The following DSG2 variants were observed in gnomAD, a reference collection of about 807,000 sequenced individuals.
DSG2 encodes desmoglein-2.
Under a neutral mutation model 75.6 loss-of-function variants are expected in DSG2, and 45 were observed. The ratio of observed to expected loss-of-function variants is 0.60; its 90% CI spans 0.47 to 0.76. The LOEUF (loss-of-function observed/expected upper bound fraction) is 0.76. DSG2 is among the 30% of genes least tolerant of loss of function. DSG2 has a pLI of 0.00. For synonymous variants in DSG2, 429 were observed against 483.9 expected (o/e 0.89, Z 1.49); for missense variants, 1,267 against 1,357.4 (o/e 0.93, Z 1.05).
chr18:31,544,305 G>GA (rs1269570044), intron 14 of DSG2, among the ~76,000 whole-genome samples: 1 of 150,068 alleles, frequency 6.7e-6, no homozygotes, highest in African/African-American at 2.4e-5. Context: ...GTACTTTGAT[G>GA]AAAAAAAAAT....
intron 1 of DSG2, among the ~76,000 whole-genome samples, chr18:31,507,417 A>G (rs2073044585): frequency 6.6e-6 from 1 of 152,186 alleles, no homozygotes; most frequent in Non-Finnish European, 1.5e-5. Flanking sequence ...TAGTAGAATG[A>G]TTTATAATCT....
chr18:31,539,784 G>T (rs914913641), intron 12 of DSG2, among the ~76,000 whole-genome samples: 1 of 152,190 alleles, frequency 6.6e-6, no homozygotes, highest in African/African-American at 2.4e-5. Context: ...GAACCAGGCC[G>T]CACAGCAGGA....
In DSG2 at chr18:31,522,177, T is replaced by A. The variant is rs397516710; in HGVS notation, c.618T>A (p.Ala206=). Residue 206 remains alanine, a synonymous_variant, in exon 6 of 15, where the codon GCT becomes GCA. Coordinates refer to ENST00000261590, the MANE Select transcript of DSG2 (RefSeq NM_001943.5). ...ATAGAATCGTATCTCTGGAGCCTGCTTATCCTCCAGTGTTCTACCTAAATA... is the reference window on the plus strand; with the variant it reads ...ATAGAATCGTATCTCTGGAGCCTGCATATCCTCCAGTGTTCTACCTAAATA... ...ISYRIVSLEP[A]YPPVFYLNKD... 6.2e-7 allele frequency: 1 copy of A among 1,613,506 alleles called. No individual in the cohort carries two copies. The highest frequency in any genetic ancestry group is 2.2e-5 in the East Asian group (1 of 44,834).
Position 31,520,915 on chromosome 18 carries a change from A to C in DSG2, c.329A>C (p.Glu110Ala). The C allele has an allele frequency of 6.2e-7, 1 of 1,613,922 alleles. No homozygotes were observed. Among genetic ancestry groups the C allele is most frequent in the Non-Finnish European group, 8.5e-7 (1 of 1,179,898 alleles). The part of the protein sequence containing the change: ...GIFVFNKDTG[E>A]LNVTSILDRE... ...TTTGTCTTTAACAAAGATACTGGAGAACTGAATGTTACCAGCATTCTTGAT... is the reference window on the plus strand; with the variant it reads ...TTTGTCTTTAACAAAGATACTGGAGCACTGAATGTTACCAGCATTCTTGAT... Residue 110 changes from glutamate to alanine, a missense_variant, in exon 4 of 15, where the codon GAA (glutamate) becomes GCA (alanine). Coordinates refer to ENST00000261590, the MANE Select transcript of DSG2 (RefSeq NM_001943.5).
At chr18:31,531,553 T>TA (rs1029935261) in intron 9 of DSG2, among the ~76,000 whole-genome samples, 4 of 152,218 alleles carry the variant, frequency 2.6e-5, no homozygotes, top group African/African-American at 9.6e-5. Flanking sequence ...AAAAAACTTT[T>TA]AAAAACCTGT....
intron 8 of DSG2, among the ~76,000 whole-genome samples, chr18:31,528,806 A>G (rs1205819010): frequency 1.3e-5 from 2 of 152,080 alleles, no homozygotes; most frequent in Non-Finnish European, 2.9e-5. Context: ...TGAAATTTCT[A>G]GAAAAGGTGA....
intron 14 of DSG2, among the ~76,000 whole-genome samples, chr18:31,545,151 C>T (rs1224378248): frequency 2.6e-5 from 4 of 152,166 alleles, no homozygotes; most frequent in Admixed American, 6.6e-5. Context: ...TAATCCTGCT[C>T]CAGTCATTCT....
In DSG2 at chr18:31,498,275, G is replaced by C. The variant is rs959664374; in HGVS notation, c.24G>C (p.Ala8=). Residue 8 remains alanine, a synonymous_variant, in exon 1 of 15, where the codon GCG becomes GCC. Transcript: ENST00000261590. MARSPGR[A]YALLLLLICF... Reference sequence around the variant, plus strand: ...CGATGGCGCGGAGCCCGGGACGCGCGTACGCCCTGCTGCTTCTCCTGGTAA... The same window carrying C: ...CGATGGCGCGGAGCCCGGGACGCGCCTACGCCCTGCTGCTTCTCCTGGTAA... 3.2e-6 allele frequency: 4 copies of C among 1,264,542 alleles called. No homozygotes were observed. Among genetic ancestry groups the C allele is most frequent in the Non-Finnish European group, 3.0e-6 (3 of 1,000,728 alleles). 78.3% of individuals were successfully genotyped at this position (1,264,542 alleles called of 1,614,324 possible).
rs370110000 is a variant in DSG2 at position 31,518,288 on chromosome 18, G to A, written c.81+14G>A. 1.9e-6 allele frequency: 3 copies of A among 1,610,402 alleles called. No homozygotes were observed. The highest frequency in any genetic ancestry group is 1.7e-5 in the Admixed American group (1 of 59,994). On this transcript the variant is annotated intron_variant, in intron 2 of 14. Coordinates refer to ENST00000261590, the MANE Select transcript of DSG2 (RefSeq NM_001943.5). ...CTTCACTTACAGGTGAGGAAACAAA[G>A]GGATTATTTCTGCCTTCTGACTCAG...
rs1401989076 is a variant in DSG2, at chr18:31,498,202, A to T, written c.-50A>T. On this transcript the variant is annotated 5_prime_UTR_variant, in exon 1 of 15. Transcript: ENST00000261590. ...GAGGAGCCGAGTGCGCGCTCGGGGC[A>T]GGCGGCGGCGCGGAGCGGTGCGGCG... 8.1e-7 allele frequency: 1 copy of T among 1,232,104 alleles called. No individual in the cohort carries two copies. The highest frequency in any genetic ancestry group is 1.0e-6 in the Non-Finnish European group (1 of 984,718). The allele number at this position is 1,232,104 out of a possible 1,614,324, so 76.3% of individuals were successfully genotyped here.
chr18:31,540,627 C>T (rs758589817), intron 12 of DSG2, among the ~76,000 whole-genome samples: 4 of 152,092 alleles, frequency 2.6e-5, no homozygotes, highest in Admixed American at 6.6e-5. Context: ...TAGGCAGTAG[C>T]CAGTTCATCA....
At chr18:31,543,741 C>T (rs2073285457) in intron 14 of DSG2, among the ~76,000 whole-genome samples, 1 of 152,044 alleles carries the variant, frequency 6.6e-6, no homozygotes, top group Non-Finnish European at 1.5e-5. Flanking sequence ...TGGCACACAC[C>T]TGTAGTCCCA....
chr18:31,500,819 A>C (rs1419994146), intron 1 of DSG2, among the ~76,000 whole-genome samples: 2 of 152,208 alleles, frequency 1.3e-5, no homozygotes, highest in Non-Finnish European at 2.9e-5. Context: ...GGTTCTTTGC[A>C]ATCCATCAAC....
At chr18:31,513,599 A>G (rs569081448) in intron 1 of DSG2, among the ~76,000 whole-genome samples, 3 of 152,360 alleles carry the variant, frequency 2.0e-5, no homozygotes, top group African/African-American at 7.2e-5. Context: ...AATAAGCTAG[A>G]CAATTGAAAA....
intron 14 of DSG2, among the ~76,000 whole-genome samples, chr18:31,544,139 T>C (rs1385788004): frequency 2.0e-5 from 3 of 152,276 alleles, no homozygotes; most frequent in African/African-American, 4.8e-5. Context: ...TCAGTAAGCA[T>C]ATAGAAAACT....
intron 2 of DSG2, 46 bp from the exon 3 acceptor site, chr18:31,519,757 A>T (rs375733646): frequency 1.9e-6 from 3 of 1,592,786 alleles, no homozygotes; most frequent in African/African-American, 1.3e-5. Flanking sequence ...CTAATGTTCT[A>T]TATTTATGAC....
intron 11 of DSG2, among the ~76,000 whole-genome samples, chr18:31,538,306 C>G (rs1280647230): frequency 6.6e-6 from 1 of 152,128 alleles, no homozygotes; most frequent in Non-Finnish European, 1.5e-5. Context: ...ATCAGCCCAT[C>G]ATTGAAAATG....
In DSG2 at chr18:31,520,972, G is replaced by T; in HGVS notation, c.378+8G>T. ...GAAACACCATTTTTTCTGGTAAGAAGAATAATTTTAGATTTATTAGTTTGT... is the reference window on the plus strand; with the variant it reads ...GAAACACCATTTTTTCTGGTAAGAATAATAATTTTAGATTTATTAGTTTGT... On this transcript the variant is annotated splice_region_variant and intron_variant, in intron 4 of 14. Coordinates refer to ENST00000261590, the MANE Select transcript of DSG2 (RefSeq NM_001943.5). The T allele has an allele frequency of 6.2e-7, 1 of 1,612,914 alleles. No individual in the cohort carries two copies. Among genetic ancestry groups the T allele is most frequent in the Non-Finnish European group, 8.5e-7 (1 of 1,179,482 alleles).
rs778319427 is a variant in DSG2 at position 31,542,645 on chromosome 18, TGAGATGTCC to T, written c.2134_2142del (p.Ser712_Met714del). ...CTGCTTCCATTGTCAAAGGGCAACA[TGAGATGTCC>T]GAGATGGATGGAAGGTGGGAAGAAC... On this transcript the variant is annotated inframe_deletion, in exon 14 of 15. Transcript: ENST00000261590. 3.1e-6 allele frequency: 5 copies of T among 1,613,822 alleles called. No individual in the cohort carries two copies. The highest frequency in any genetic ancestry group is 1.1e-5 in the South Asian group (1 of 91,072).
Sources: allele counts gnomAD v4.1 joint callset (sites outside exome capture counted in the v4.1 genomes callset), GRCh38; gene constraint gnomAD v4.1.1; transcripts MANE v1.5; gene names NCBI Gene and HGNC (gene_info 2026-07-23, HGNC 2026-07-21).